Variants in SDC2 observed in about 807,000 individuals in gnomAD.
SDC2 encodes the protein syndecan 2, also known as syndecan-2.
Under a neutral mutation model 22.2 loss-of-function variants are expected in SDC2, and 13 were observed. That is an observed-to-expected ratio of 0.59 (90% CI 0.38 to 0.93). The LOEUF is 0.93. Ranked by LOEUF, SDC2 falls within the 40% of genes least tolerant of loss-of-function variation. The probability of loss-of-function intolerance (pLI) is 0.00; values close to 1 mark genes in which losing one functional copy is unlikely to be tolerated. For missense variants in SDC2, 235 were observed against 246.8 expected (o/e 0.95, Z 0.32); for synonymous variants, 94 against 92.8 (o/e 1.01, Z -0.07).
chr8:96,538,947 G>A (rs943140185), intron 1 of SDC2: 3 of 152,226 alleles, frequency 2.0e-5, no homozygotes, highest in African/African-American at 7.2e-5. Context: ...CTTAGGAAAG[G>A]CAGTAACAGG....
rs1266362565 is a variant in SDC2, at chr8:96,494,115, C to T, written c.-157C>T. On this transcript the variant is annotated 5_prime_UTR_variant, in exon 1 of 5. Transcript: ENST00000302190. ...CAGGCGCAGGAGGAGGAAGCGAGCG[C>T]CCCCGAGCCCCGAGCCCGAGTCCCC... 3.0e-6 allele frequency: 2 copies of T among 675,656 alleles called. No homozygotes were observed. The highest frequency in any genetic ancestry group is 4.8e-6 in the Non-Finnish European group (2 of 420,528). The allele number at this position is 675,656 out of a possible 1,614,324, so 41.9% of individuals were successfully genotyped here.
chr8:96,606,888 A>G (rs1205913052), intron 3 of SDC2, among the ~76,000 whole-genome samples: 1 of 152,202 alleles, frequency 6.6e-6, no homozygotes, highest in Non-Finnish European at 1.5e-5. Flanking sequence ...TGCATGAACT[A>G]GAGCAGAGTT....
intron 3 of SDC2, among the ~76,000 whole-genome samples, chr8:96,605,770 A>C (rs1815068246): frequency 6.6e-6 from 1 of 152,198 alleles, no homozygotes; most frequent in East Asian, 1.9e-4. Context: ...CTGCTCACTG[A>C]GACAGGGACC....
At chr8:96,543,026 G>A (rs1019246735) in intron 1 of SDC2, among the ~76,000 whole-genome samples, 10 of 152,164 alleles carry the variant, frequency 6.6e-5, no homozygotes, top group Admixed American at 4.6e-4. Flanking sequence ...CAGAAGATAA[G>A]GAATGTGAGA....
At chr8:96,548,188 A>G (rs1813966916) in intron 1 of SDC2, among the ~76,000 whole-genome samples, 1 of 152,238 alleles carries the variant, frequency 6.6e-6, no homozygotes. Flanking sequence ...GAGCAATTTC[A>G]GTGGTCTCAA....
Position 96,494,291 on chromosome 8 carries a change from T to C in SDC2, c.20T>C (p.Leu7Pro). MRRAWI[L>P]LTLGLVACVS... is the part of the protein sequence containing the mutation. ...GGGAATATGCGGCGCGCGTGGATCC[T>C]GCTCACCTTGGGCTTGGTGGCCTGC... Residue 7 changes from leucine to proline, a missense_variant, in exon 1 of 5, where the codon CTG becomes CCG. By Grantham distance (98) the Leu-to-Pro change is moderately conservative. Transcript: ENST00000302190. The C allele has an allele frequency of 1.3e-6, 2 of 1,547,286 alleles. No individual in the cohort carries two copies. Among genetic ancestry groups the C allele is most frequent in the Non-Finnish European group, 1.7e-6 (2 of 1,149,884 alleles).
At chr8:96,546,553 T>C (rs1356477841) in intron 1 of SDC2, among the ~76,000 whole-genome samples, 1 of 152,164 alleles carries the variant, frequency 6.6e-6, no homozygotes, top group African/African-American at 2.4e-5. Flanking sequence ...TTATTTTTGC[T>C]TGGGTGGGTG....
intron 2 of SDC2, among the ~76,000 whole-genome samples, chr8:96,594,921 A>AGG (rs1230067904): frequency 2.0e-5 from 3 of 152,208 alleles, no homozygotes; most frequent in African/African-American, 7.2e-5. Flanking sequence ...GAACAGCATG[A>AGG]GGGTAACTAC....
intron 1 of SDC2, among the ~76,000 whole-genome samples, chr8:96,565,084 A>ATGTTTTTTTTTTTTTTTTT (rs1814273879): frequency 1.5e-5 from 1 of 67,800 alleles, no homozygotes; most frequent in Non-Finnish European, 2.9e-5. Flanking sequence ...CCTAAATTTG[A>ATGTTTTTTTTTTTTTTTTT]TTTTTTTTTT....
intron 2 of SDC2, among the ~76,000 whole-genome samples, chr8:96,596,356 G>A (rs1228961608): frequency 1.3e-5 from 2 of 152,212 alleles, no homozygotes; most frequent in Non-Finnish European, 2.9e-5. Flanking sequence ...CAGCTATCCA[G>A]TAGAAAAGCA....
intron 1 of SDC2, among the ~76,000 whole-genome samples, chr8:96,535,121 T>C (rs374050155): frequency 6.6e-6 from 1 of 152,098 alleles, no homozygotes; most frequent in Non-Finnish European, 1.5e-5. Context: ...GCAATTCTCC[T>C]GCGTCAGCCT....
In SDC2 at chr8:96,558,105, G is replaced by T. The variant is rs1814149598; in HGVS notation, c.61-35375G>T. ...GAGAAGGATTCATTCTGTTCTTGGT[G>T]GTTGAGAAGATTATAAGTGTAGGGT... On this transcript the variant is annotated intron_variant, in intron 1 of 4. Coordinates refer to ENST00000302190, the MANE Select transcript of SDC2 (RefSeq NM_002998.4). 2.0e-5 allele frequency among the ~76,000 whole-genome samples: 3 copies of T among 152,078 alleles called. No homozygotes were observed. The South Asian group carries it at 6.2e-4, about 32-fold the overall frequency.
intron 1 of SDC2, among the ~76,000 whole-genome samples, chr8:96,521,820 C>T (rs1203776073): frequency 6.6e-6 from 1 of 152,156 alleles, no homozygotes; most frequent in African/African-American, 2.4e-5. Flanking sequence ...TCTCTTTTTG[C>T]TCAATTAAAA....
At chr8:96,593,270 G>A (rs1814815423) in intron 1 of SDC2, among the ~76,000 whole-genome samples, 1 of 152,162 alleles carries the variant, frequency 6.6e-6, no homozygotes, top group African/African-American at 2.4e-5. Context: ...AGCTGTGTAG[G>A]CTTCCCTTGC....
chr8:96,500,105 A>C (rs1813139008), intron 1 of SDC2, among the ~76,000 whole-genome samples: 1 of 152,164 alleles, frequency 6.6e-6, no homozygotes, highest in Non-Finnish European at 1.5e-5. Context: ...ATGCCTCTGC[A>C]CTCAGTGTCA....
At chr8:96,531,255 GT>G (rs1482453000) in intron 1 of SDC2, among the ~76,000 whole-genome samples, 3 of 152,188 alleles carry the variant, frequency 2.0e-5, no homozygotes, top group Non-Finnish European at 2.9e-5. Flanking sequence ...AGAAACTGGA[GT>G]TTAATATAAC....
At chr8:96,572,314 T>C (rs1276110958) in intron 1 of SDC2, among the ~76,000 whole-genome samples, 2 of 152,244 alleles carry the variant, frequency 1.3e-5, no homozygotes, top group South Asian at 2.1e-4. Flanking sequence ...AAAGTTTTTT[T>C]GGGCTTTGAA....
chr8:96,519,360 C>T (rs1037138903), intron 1 of SDC2, among the ~76,000 whole-genome samples: 1 of 152,056 alleles, frequency 6.6e-6, no homozygotes, highest in Non-Finnish European at 1.5e-5. Context: ...GTTTACTTTT[C>T]GTCATTTCTT....
At chr8:96,506,565 C>G (rs938947834) in intron 1 of SDC2, among the ~76,000 whole-genome samples, 1 of 152,090 alleles carries the variant, frequency 6.6e-6, no homozygotes, top group South Asian at 2.1e-4. Flanking sequence ...CAACCTCGAT[C>G]TCCTGGGCTC....
Sources: gnomAD v4.1 joint callset for allele counts (sites outside exome capture counted in the v4.1 genomes callset) on GRCh38, gnomAD v4.1.1 for gene constraint, MANE v1.5 for transcripts, NCBI Gene and HGNC (gene_info 2026-07-23, HGNC 2026-07-21) for gene names.